Variants in DAAM1 observed in about 807,000 individuals in gnomAD.
DAAM1 encodes dishevelled associated activator of morphogenesis 1.
In DAAM1, 52 loss-of-function variants were observed where a neutral mutation model predicts 130.0. That is an observed-to-expected ratio of 0.40 (90% CI 0.32 to 0.50). The LOEUF is 0.50. Among genes scored for constraint, DAAM1 ranks in the 20% least tolerant of loss-of-function variants. The pLI, the probability that DAAM1 is intolerant of heterozygous loss-of-function variation, is 0.61. For synonymous variants in DAAM1, 452 were observed against 444.5 expected, an observed-to-expected ratio of 1.02 and a Z score of -0.21; for missense variants, 1,134 against 1,303.8, an observed-to-expected ratio of 0.87 and a Z score of 2.01.
In DAAM1 at chr14:59,367,529, C is replaced by T; in HGVS notation, c.2927C>T (p.Ala976Val). The T allele has an allele frequency of 1.2e-6, 2 of 1,613,468 alleles. No homozygotes were observed. The highest frequency in any genetic ancestry group is 1.7e-6 in the Non-Finnish European group (2 of 1,179,720). ...CAATTTCTTCAAGCTGTGTCAGAAG[C>T]CAAACAAGAAAACGAAAATATGAGA... ...FDQFLQAVSE[A>V]KQENENMRKK... The change falls in exon 24 of 25, where the codon GCC becomes GTC. Residue 976 changes from alanine (A) to valine (V), a missense_variant. By Grantham distance (64) the Ala-to-Val change is moderately conservative (BLOSUM62 0). This residue lies in a region of DAAM1 where 644 missense variants were observed against 695.9 expected (regional missense o/e 0.93). Coordinates refer to ENST00000360909, the MANE Select transcript of DAAM1 (RefSeq NM_001270520.2).
chr14:59,367,398 C>A lies in DAAM1; in HGVS notation c.2827-31C>A, dbSNP rs775650540. ...ATTTGATTGTGGAATTCTCATGAAA[C>A]ATTGACTTCTTAAAACCATCTTTTT... On this transcript the variant is annotated intron_variant, in intron 23 of 24. Coordinates refer to ENST00000360909, the MANE Select transcript of DAAM1 (RefSeq NM_001270520.2). The A allele has an allele frequency of 1.3e-5, 21 of 1,567,628 alleles. No individual in the cohort carries two copies. The South Asian group carries it at 2.4e-4, about 18-fold the overall frequency.
At chr14:59,269,251 C>T (rs1017399254) in intron 2 of DAAM1, among the ~76,000 whole-genome samples, 11 of 152,230 alleles carry the variant, frequency 7.2e-5, no homozygotes, top group Non-Finnish European at 1.6e-4. Flanking sequence ...TGGGAGGAAG[C>T]TTTATTCCCT....
At chr14:59,210,911 G>T (rs1221897487) in intron 1 of DAAM1, among the ~76,000 whole-genome samples, 5 of 152,190 alleles carry the variant, frequency 3.3e-5, no homozygotes, top group Non-Finnish European at 7.3e-5. Context: ...TGTGATAAAA[G>T]AAATGTTATG....
intron 16 of DAAM1, among the ~76,000 whole-genome samples, chr14:59,342,093 A>C (rs1885870668): frequency 2.0e-5 from 3 of 152,204 alleles, no homozygotes; most frequent in Non-Finnish European, 4.4e-5. Context: ...AGGCCCTGAC[A>C]CTTTTGAGGT....
chr14:59,335,897 A>G (rs1885608467), intron 15 of DAAM1, among the ~76,000 whole-genome samples: 1 of 152,050 alleles, frequency 6.6e-6, no homozygotes, highest in African/African-American at 2.4e-5. Flanking sequence ...TTCTCTTTAC[A>G]ATTTTTATTC....
At chr14:59,312,908 A>G (rs1884649241) in intron 3 of DAAM1, among the ~76,000 whole-genome samples, 2 of 152,256 alleles carry the variant, frequency 1.3e-5, no homozygotes, top group Non-Finnish European at 2.9e-5. Context: ...AATCTAGAAC[A>G]GAAGTTAAAA....
At chr14:59,324,791 T>C (rs1442155560) in intron 8 of DAAM1, among the ~76,000 whole-genome samples, 1 of 152,242 alleles carries the variant, frequency 6.6e-6, no homozygotes, top group Non-Finnish European at 1.5e-5. Context: ...CTGGTGGTGA[T>C]GATGATAATG....
chr14:59,268,055 A>G (rs765978731), intron 2 of DAAM1, among the ~76,000 whole-genome samples: 3 of 151,752 alleles, frequency 2.0e-5, no homozygotes, highest in Non-Finnish European at 2.9e-5. Flanking sequence ...AGCACGCACC[A>G]CTGCGCCCAG....
chr14:59,314,997 T>C (rs1272624672), intron 3 of DAAM1, among the ~76,000 whole-genome samples: 1 of 152,206 alleles, frequency 6.6e-6, no homozygotes, highest in Non-Finnish European at 1.5e-5. Flanking sequence ...AAAACAACTT[T>C]ACACCACTTA....
chr14:59,363,795 C>CT lies in DAAM1; in HGVS notation c.2826+15dup. On this transcript the variant is annotated intron_variant, in intron 23 of 24. Transcript: ENST00000360909. ...AGCTAAAGACCTGGTAAGTTTCCCC[C>CT]TTGTGCACTGAGTGTTGTTTGACCG... 2 of 1,612,914 alleles carry CT rather than the reference C, an allele frequency of 1.2e-6. No homozygotes were observed.
At chr14:59,337,739 C>T (rs1885682846) in intron 15 of DAAM1, among the ~76,000 whole-genome samples, 1 of 152,138 alleles carries the variant, frequency 6.6e-6, no homozygotes, top group African/African-American at 2.4e-5. Context: ...CTGCACAACA[C>T]ACGTATCACT....
chr14:59,319,632 T>C (rs1279060165), intron 4 of DAAM1, among the ~76,000 whole-genome samples: 2 of 152,146 alleles, frequency 1.3e-5, no homozygotes, highest in East Asian at 1.9e-4. Context: ...GATCCTGGAG[T>C]CATAAGACTT....
chr14:59,301,929 G>A (rs569443465), intron 3 of DAAM1, among the ~76,000 whole-genome samples: 3 of 152,228 alleles, frequency 2.0e-5, no homozygotes, highest in African/African-American at 7.2e-5. Flanking sequence ...TGTGCTTTGT[G>A]GATACCATCT....
At chr14:59,220,616 C>G (rs1888739724) in intron 1 of DAAM1, among the ~76,000 whole-genome samples, 1 of 152,126 alleles carries the variant, frequency 6.6e-6, no homozygotes, top group South Asian at 2.1e-4. Flanking sequence ...CATCTGCAAG[C>G]TGGAGAACTA....
chr14:59,193,940 C>A (rs555298749), intron 1 of DAAM1, among the ~76,000 whole-genome samples: 1 of 152,162 alleles, frequency 6.6e-6, no homozygotes, highest in Non-Finnish European at 1.5e-5. Context: ...TCATGCCAAG[C>A]CCTTTCTAAT....
At chr14:59,345,057 C>A (rs1950721267) in intron 16 of DAAM1, among the ~76,000 whole-genome samples, 1 of 151,862 alleles carries the variant, frequency 6.6e-6, no homozygotes, top group Non-Finnish European at 1.5e-5. Flanking sequence ...TGTTACTGTT[C>A]CTTGGCCTTG....
At position 59,211,612 on chromosome 14, in the gene DAAM1, T is replaced by G. The variant is rs115379233; in HGVS notation, c.-38+22844T>G. ...TTGCATCATTCAAATGCCAGATGAT[T>G]GGACTCTACACAATTGACCGAAGGA... On this transcript the variant is annotated intron_variant, in intron 1 of 24. Coordinates refer to ENST00000360909, the MANE Select transcript of DAAM1 (RefSeq NM_001270520.2). Among the ~76,000 whole-genome samples, 179 of 152,354 alleles carry G rather than the reference T, an allele frequency of 1.2e-3. 1 individual carries two copies. Among genetic ancestry groups the G allele is most frequent in the African/African-American group, 4.2e-3 (175 of 41,580 alleles).
At chr14:59,321,018 A>G (rs1594820325) in intron 5 of DAAM1, among the ~76,000 whole-genome samples, 2 of 152,228 alleles carry the variant, frequency 1.3e-5, no homozygotes, top group East Asian at 3.8e-4. Flanking sequence ...AGATGTTCAT[A>G]TCGGCATTAT....
At position 59,201,958 on chromosome 14, in the gene DAAM1, ATTTTGGCAGG is replaced by A. The variant is rs1469755130; in HGVS notation, c.-38+13195_-38+13204del. Among the ~76,000 whole-genome samples, 9 of 152,296 alleles carry A rather than the reference ATTTTGGCAGG, an allele frequency of 5.9e-5. No individual in the cohort carries two copies. In the East Asian group the frequency reaches 1.5e-3, roughly 26 times the overall value. ...TCTAATAATATTGAAGCTCTATTATATTTTGGCAGGTTTTACTGAAAAACCTCTAAATCTG... is the reference window on the plus strand; with the variant it reads ...TCTAATAATATTGAAGCTCTATTATATTTTACTGAAAAACCTCTAAATCTG... On this transcript the variant is annotated intron_variant, in intron 1 of 24. Transcript: ENST00000360909.
Sources: allele counts gnomAD v4.1 joint callset (sites outside exome capture counted in the v4.1 genomes callset), GRCh38; gene constraint gnomAD v4.1.1; regional missense constraint gnomAD v4.1.1; transcripts MANE v1.5; gene names NCBI Gene and HGNC (gene_info 2026-07-23, HGNC 2026-07-21).